Variants in PTPRD observed in about 807,000 individuals in gnomAD.
The protein encoded by PTPRD is receptor-type tyrosine-protein phosphatase delta.
In PTPRD, 34 loss-of-function variants were observed where a neutral mutation model predicts 214.5. That is an observed-to-expected ratio of 0.16 (90% confidence interval 0.12 to 0.21). The LOEUF is 0.21. PTPRD is among the 10% of genes least tolerant of loss of function. The pLI, the probability that PTPRD is intolerant of heterozygous loss-of-function variation, is 1.00. For missense variants in PTPRD, 2,545 were observed against 2,398.7 expected (o/e 1.06, Z -1.27); for synonymous variants, 1,128 against 845.7 (o/e 1.33, Z -5.79).
At chr9:9,183,665 T>G (rs1326242137) in intron 9 of PTPRD, among the ~76,000 whole-genome samples, 1 of 152,014 alleles carries the variant, frequency 6.6e-6, no homozygotes, top group Non-Finnish European at 1.5e-5. Context: ...TAAATTGCCT[T>G]CTTACAACAT....
chr9:9,546,711 T>A (rs1343823875), intron 8 of PTPRD, among the ~76,000 whole-genome samples: 1 of 151,934 alleles, frequency 6.6e-6, no homozygotes, highest in African/African-American at 2.4e-5. Context: ...ACTTATTGAA[T>A]GTTTATAATA....
At chr9:8,332,965 AACAGG>A (rs1453837187) in intron 43 of PTPRD, among the ~76,000 whole-genome samples, 7 of 152,184 alleles carry the variant, frequency 4.6e-5, no homozygotes, top group Non-Finnish European at 8.8e-5. Context: ...TGGGTAAGTG[AACAGG>A]GACTCAATCC....
chr9:8,437,127 G>T (rs1419098139), intron 34 of PTPRD: 3 of 1,053,526 alleles, frequency 2.8e-6, no homozygotes, highest in South Asian at 1.5e-5. Context: ...ACTGAGAAAG[G>T]CCTAAAAGGG....
At chr9:9,783,861 G>C (rs1332617058) in intron 5 of PTPRD, among the ~76,000 whole-genome samples, 1 of 145,246 alleles carries the variant, frequency 6.9e-6, no homozygotes, top group East Asian at 2.1e-4. Flanking sequence ...TTGCTCAAGA[G>C]TAAAATGAAC....
chr9:9,402,973 A>C (rs1389074196), intron 8 of PTPRD, among the ~76,000 whole-genome samples: 4 of 146,196 alleles, frequency 2.7e-5, no homozygotes, highest in Admixed American at 6.8e-5. Flanking sequence ...GGAGAAAAAA[A>C]AAAAAAAAAA....
intron 2 of PTPRD, among the ~76,000 whole-genome samples, chr9:10,555,039 T>C (rs10809119): frequency 0.38 from 57,799 of 152,092 alleles, 12,626 homozygotes; most frequent in Non-Finnish European, 0.51. Flanking sequence ...CCCATTTCCA[T>C]TGCTCTAAAT....
At chr9:9,775,305 C>T (rs28458222) in intron 5 of PTPRD, among the ~76,000 whole-genome samples, 6,213 of 152,174 alleles carry the variant, frequency 0.041, 399 homozygotes, top group African/African-American at 0.14. Flanking sequence ...TTCTCTGAAG[C>T]TGAAGGGCTG....
chr9:9,965,447 G>C (rs755239979), intron 4 of PTPRD, among the ~76,000 whole-genome samples: 1 of 152,174 alleles, frequency 6.6e-6, no homozygotes, highest in African/African-American at 2.4e-5. Context: ...GATGGGCTTA[G>C]AGCACTTGTC....
intron 9 of PTPRD, among the ~76,000 whole-genome samples, chr9:9,210,998 G>C (rs1049965317): frequency 2.0e-5 from 3 of 151,716 alleles, no homozygotes; most frequent in African/African-American, 7.3e-5. Context: ...TGAGAATAAA[G>C]ATAAACATAG....
At chr9:8,448,399 C>T (rs1352697150) in intron 34 of PTPRD, among the ~76,000 whole-genome samples, 1 of 152,024 alleles carries the variant, frequency 6.6e-6, no homozygotes, top group Non-Finnish European at 1.5e-5. Flanking sequence ...AGTTAGTATC[C>T]ACCTATTTCA....
intron 3 of PTPRD, among the ~76,000 whole-genome samples, chr9:10,327,555 A>T (rs2096667131): frequency 6.6e-6 from 1 of 151,686 alleles, no homozygotes; most frequent in South Asian, 2.1e-4. Context: ...TTGGGTTTGG[A>T]AACCGTTTCC....
intron 14 of PTPRD, among the ~76,000 whole-genome samples, chr9:8,595,060 T>C (rs1260160756): frequency 6.6e-6 from 1 of 151,726 alleles, no homozygotes; most frequent in Non-Finnish European, 1.5e-5. Flanking sequence ...AGACGTGGTT[T>C]CTCCGTGTTA....
chr9:9,565,168 G>C (rs1297067567), intron 8 of PTPRD, among the ~76,000 whole-genome samples: 1 of 151,644 alleles, frequency 6.6e-6, no homozygotes, highest in Non-Finnish European at 1.5e-5. Flanking sequence ...TTATCTGAAT[G>C]AGTAATTGTA....
intron 43 of PTPRD, among the ~76,000 whole-genome samples, chr9:8,332,916 A>G (rs1812450349): frequency 2.0e-5 from 3 of 152,148 alleles, no homozygotes; most frequent in Non-Finnish European, 4.4e-5. Context: ...TTCCTCATCA[A>G]ACTTTTTTTA....
At chr9:8,506,622 A>T (rs2097547649) in intron 22 of PTPRD, among the ~76,000 whole-genome samples, 2 of 152,196 alleles carry the variant, frequency 1.3e-5, no homozygotes, top group Non-Finnish European at 2.9e-5. Flanking sequence ...ATTAATAAGA[A>T]AGGCTAGCTC....
chr9:8,866,454 A>G (rs1376395528), intron 11 of PTPRD, among the ~76,000 whole-genome samples: 1 of 152,098 alleles, frequency 6.6e-6, no homozygotes, highest in Non-Finnish European at 1.5e-5. Context: ...GCCCCAATCT[A>G]TGCCCCAACG....
At chr9:9,045,046 C>A (rs1333228381) in intron 10 of PTPRD, among the ~76,000 whole-genome samples, 2 of 152,052 alleles carry the variant, frequency 1.3e-5, no homozygotes, top group Non-Finnish European at 2.9e-5. Context: ...CTAAACCATT[C>A]AAAAATATGA....
At chr9:9,469,814 T>C (rs1297183904) in intron 8 of PTPRD, among the ~76,000 whole-genome samples, 1 of 152,174 alleles carries the variant, frequency 6.6e-6, no homozygotes, top group African/African-American at 2.4e-5. Flanking sequence ...GACTTGCTTA[T>C]TTTGTATATA....
At chr9:10,521,252 T>C (rs1414135524) in intron 2 of PTPRD, among the ~76,000 whole-genome samples, 1 of 152,022 alleles carries the variant, frequency 6.6e-6, no homozygotes, top group Non-Finnish European at 1.5e-5. Context: ...AAGATTTCCA[T>C]GGATGAAGTT....
Sources: gnomAD v4.1 joint callset for allele counts (sites outside exome capture counted in the v4.1 genomes callset) on GRCh38, gnomAD v4.1.1 for gene constraint, MANE v1.5 for transcripts, NCBI Gene and HGNC (gene_info 2026-07-23, HGNC 2026-07-21) for gene names.